KIF3C: variants seen among roughly 807,000 people sequenced by gnomAD.
KIF3C encodes kinesin-like protein KIF3C.
A neutral mutation model predicts 67.7 loss-of-function variants in KIF3C; 12 were observed. That is an observed-to-expected ratio of 0.18 (90% confidence interval 0.11 to 0.29). KIF3C has a LOEUF of 0.29. KIF3C is among the 10% of genes least tolerant of loss of function. The pLI, the probability that KIF3C is intolerant of heterozygous loss-of-function variation, is 1.00. For missense variants in KIF3C, 789 were observed against 1,059.6 expected (o/e 0.74, Z 3.55); for synonymous variants, 393 against 426.2 (o/e 0.92, Z 0.96).
chr2:25,955,129 A>G lies in KIF3C; in HGVS notation c.1770+412T>C, dbSNP rs1355208465. Among the ~76,000 whole-genome samples, 2 of 151,838 alleles carry G rather than the reference A, an allele frequency of 1.3e-5. No individual in the cohort carries two copies. Among genetic ancestry groups the G allele is most frequent in the African/African-American group, 4.8e-5 (2 of 41,316 alleles). ...TGAGCGGCTATTCTCATCCCTTGAC[A>G]TGTCCTTGAGGGCCTTACACTCCCC... On this transcript the variant is annotated intron_variant, in intron 3 of 7. Transcript: ENST00000264712. This position sits in a 1 kb window ranked among gnomAD's most constrained non-coding sequence, Gnocchi z 5.0.
rs368968565 is a variant in KIF3C, at chr2:25,929,945, C to T, written c.2115+10G>A. 6.0e-5 allele frequency: 96 copies of T among 1,594,282 alleles called. No homozygotes were observed. Among genetic ancestry groups the T allele is most frequent in the Non-Finnish European group, 7.1e-5 (82 of 1,162,134 alleles). ...TCCCGTAGGCTCTTTCTCCCCTCTC[C>T]GCTTCTTACCCTGTACCTGGGGTGG... On this transcript the variant is annotated intron_variant, in intron 6 of 7. Coordinates refer to ENST00000264712, the MANE Select transcript of KIF3C (RefSeq NM_002254.8).
rs916569009 is a variant in KIF3C at position 25,975,957 on chromosome 2, C to CA, written c.1545+4415dup. Among the ~76,000 whole-genome samples, 262 of 144,412 alleles carry CA rather than the reference C, an allele frequency of 1.8e-3. 1 individual carries two copies. The highest frequency in any genetic ancestry group is 4.8e-3 in the African/African-American group (188 of 39,302). The allele number at this position is 144,412 out of a possible 152,430, so 94.7% of individuals were successfully genotyped here. A position where few individuals can be genotyped will look rare whatever the true frequency, so the allele number is the denominator to read the frequency against. On this transcript the variant is annotated intron_variant, in intron 1 of 7. Coordinates refer to ENST00000264712, the MANE Select transcript of KIF3C (RefSeq NM_002254.8). ...TGGGCGACAGAGTGAGACTCCGCCT[C>CA]AAAAAAAAAACAAGAACAATAACAG... is the stretch of plus-strand genomic sequence containing the variant.
chr2:25,945,670 C>T (rs1663414046), intron 5 of KIF3C, among the ~76,000 whole-genome samples: 1 of 150,920 alleles, frequency 6.6e-6, no homozygotes, highest in Non-Finnish European at 1.5e-5. Flanking sequence ...GGAGGATTAG[C>T]GTGAAGCCAG....
At chr2:25,954,732 A>G (rs530184112) in intron 3 of KIF3C, among the ~76,000 whole-genome samples, 5 of 148,634 alleles carry the variant, frequency 3.4e-5, no homozygotes, top group Non-Finnish European at 4.5e-5. Flanking sequence ...GCTCAAGGTC[A>G]CACAACCAGC....
At chr2:25,963,863 T>C (rs1380993488) in intron 1 of KIF3C, among the ~76,000 whole-genome samples, 3 of 152,004 alleles carry the variant, frequency 2.0e-5, no homozygotes, top group East Asian at 3.9e-4. Context: ...TGGCTAATTT[T>C]TGTATTTTTA....
At chr2:25,960,905 T>C (rs1663927386) in intron 1 of KIF3C, among the ~76,000 whole-genome samples, 2 of 152,160 alleles carry the variant, frequency 1.3e-5, no homozygotes, top group African/African-American at 4.8e-5. Flanking sequence ...CAATGCACTT[T>C]AGCTTGGGCA....
chr2:25,962,168 C>T (rs374235152), intron 1 of KIF3C, among the ~76,000 whole-genome samples: 3 of 152,062 alleles, frequency 2.0e-5, no homozygotes, highest in East Asian at 1.9e-4. Flanking sequence ...AATACATTTA[C>T]GAAATTTGTT....
intron 1 of KIF3C, among the ~76,000 whole-genome samples, chr2:25,962,967 A>AATATATAATATATAATATATAAT (rs1559555403): frequency 8.1e-5 from 2 of 24,832 alleles, no homozygotes; most frequent in Non-Finnish European, 1.1e-4. Flanking sequence ...TAATATATAT[A>AATATATAATATATAATATATAAT]ATATATAATA....
chr2:25,930,167 A>G, intron 5 of KIF3C, 104 bp from the exon 6 acceptor site: 1 of 865,618 alleles, frequency 1.2e-6, no homozygotes. Context: ...GGCCCTGCAG[A>G]CTGCAAGTTC....
intron 1 of KIF3C, among the ~76,000 whole-genome samples, chr2:25,971,871 C>CT (rs70950146): frequency 0.077 from 4,107 of 53,446 alleles, 322 homozygotes; most frequent in Non-Finnish European, 0.094. Flanking sequence ...CCATGCCTAG[C>CT]TTTTTTTTTT....
intron 5 of KIF3C, among the ~76,000 whole-genome samples, chr2:25,941,761 A>C (rs1287159344): frequency 6.6e-6 from 1 of 152,114 alleles, no homozygotes; most frequent in East Asian, 1.9e-4. Flanking sequence ...GCATGGTGGC[A>C]CAAGCCTGAG....
Position 25,927,891 on chromosome 2 carries a change from T to A in KIF3C, c.*1087A>T, listed in dbSNP as rs1023074531. On this transcript the variant is annotated 3_prime_UTR_variant, in exon 8 of 8. Coordinates refer to ENST00000264712, the MANE Select transcript of KIF3C (RefSeq NM_002254.8). Reference sequence around the variant, plus strand: ...GGAACCAATTTGCGTAACTAGTGAATAAAGGATCTATTTTCAACAAAATAA... The same window carrying A: ...GGAACCAATTTGCGTAACTAGTGAAAAAAGGATCTATTTTCAACAAAATAA... 8 of 152,578 alleles carry A rather than the reference T, an allele frequency of 5.2e-5. No homozygotes were observed. Among genetic ancestry groups the A allele is most frequent in the African/African-American group, 1.9e-4 (8 of 41,430 alleles). The allele number at this position is 152,578 out of a possible 1,614,324, so 9.5% of individuals were successfully genotyped here.
rs896135583 is a variant in KIF3C at position 25,980,260 on chromosome 2, T to C, written c.1545+113A>G. On this transcript the variant is annotated intron_variant, in intron 1 of 7. Transcript: ENST00000264712. This position sits in a 1 kb window ranked among gnomAD's most constrained non-coding sequence, Gnocchi z 7.6. ...CATTTGGCAGGAGGGCAGTGTGCGG[T>C]GCTGAGGGAGAACCTCCACTTCAGG... The C allele has an allele frequency of 8.0e-5, 68 of 852,904 alleles. No homozygotes were observed. Among genetic ancestry groups the C allele is most frequent in the Non-Finnish European group, 1.1e-4 (63 of 558,428 alleles). 52.8% of individuals were successfully genotyped at this position (852,904 alleles called of 1,614,324 possible). A position where few individuals can be genotyped will look rare whatever the true frequency, so the allele number is the denominator to read the frequency against.
At chr2:25,966,817 T>C (rs1664154808) in intron 1 of KIF3C, among the ~76,000 whole-genome samples, 1 of 152,250 alleles carries the variant, frequency 6.6e-6, no homozygotes, top group Non-Finnish European at 1.5e-5. Flanking sequence ...CAACTGGCCA[T>C]GTGCCTCAAC....
rs761792760 is a variant in KIF3C, at chr2:25,981,895, C to T, written c.23G>A (p.Ser8Asn). The change falls in exon 1 of 8, where the codon AGC (serine) becomes AAC (asparagine). Residue 8 changes from serine (S) to asparagine (N), a missense_variant. Ser to Asn is a conservative substitution (Grantham distance 46, BLOSUM62 1). Around this residue, in one of 2 missense-constraint regions of KIF3C, gnomAD observed 141 missense variants for 251.8 expected, o/e 0.56. Transcript: ENST00000264712. The surrounding 1 kb of genome is among the most constrained non-coding windows in gnomAD (Gnocchi z 8.2). ...CCGGGCCACCACCTTGAGGGCCTCG[C>T]TGGCCTTGGTCTTACTGGCCATCTT... The part of the protein sequence containing the change: MASKTKA[S>N]EALKVVARCR... 1 of 1,567,126 alleles carries T rather than the reference C, an allele frequency of 6.4e-7. No homozygotes were observed. Among genetic ancestry groups the T allele is most frequent in the Non-Finnish European group, 8.6e-7 (1 of 1,158,766 alleles).
intron 5 of KIF3C, among the ~76,000 whole-genome samples, chr2:25,932,561 G>A (rs576606326): frequency 2.8e-4 from 42 of 151,560 alleles, no homozygotes; most frequent in Non-Finnish European, 4.6e-4. Flanking sequence ...CGCCAGGTGT[G>A]GTGGCTCATG....
At chr2:25,939,630 T>C (rs1321971487) in intron 5 of KIF3C, among the ~76,000 whole-genome samples, 2 of 152,158 alleles carry the variant, frequency 1.3e-5, no homozygotes, top group Non-Finnish European at 2.9e-5. Context: ...CTGATTCTAT[T>C]TATAGCAAGA....
chr2:25,967,981 C>G (rs1664187369), intron 1 of KIF3C, among the ~76,000 whole-genome samples: 1 of 152,178 alleles, frequency 6.6e-6, no homozygotes, highest in Non-Finnish European at 1.5e-5. Flanking sequence ...CCACTTGCCA[C>G]AAAAAGCAAA....
chr2:25,962,946 T>TAC (rs1434333163), intron 1 of KIF3C, among the ~76,000 whole-genome samples: 1 of 35,088 alleles, frequency 2.8e-5, no homozygotes, highest in Non-Finnish European at 3.8e-5. Context: ...TAATATATAA[T>TAC]ATATAATATA....
Sources: gnomAD v4.1 joint callset for allele counts (sites outside exome capture counted in the v4.1 genomes callset) on GRCh38, gnomAD v4.1.1 for gene constraint, gnomAD v4.1.1 regional missense constraint, Gnocchi (gnomAD v3.1) non-coding constraint, MANE v1.5 for transcripts, NCBI Gene and HGNC (gene_info 2026-07-23, HGNC 2026-07-21) for gene names.